Variants in REC114 observed in about 807,000 individuals in gnomAD.
REC114 encodes meiotic recombination protein REC114.
REC114 carries 27 observed loss-of-function variants against 31.3 expected under a neutral mutation model. That is an observed-to-expected ratio of 0.86 (90% CI 0.64 to 1.19). The LOEUF (loss-of-function observed/expected upper bound fraction) is 1.19, where lower values mean the gene tolerates loss of function less well. REC114 is among the 50% of genes most tolerant of loss of function. The pLI is 0.00. For missense variants in REC114, 344 were observed against 326.9 expected (o/e 1.05, Z -0.40); for synonymous variants, 134 against 127.7 (o/e 1.05, Z -0.33).
chr15:73,501,997 CAA>C (rs1893609402), intron 2 of REC114, among the ~76,000 whole-genome samples: 1 of 151,932 alleles, frequency 6.6e-6, no homozygotes, highest in Admixed American at 6.6e-5. Context: ...AAATGCAACT[CAA>C]AGAGTTATGA....
chr15:73,519,841 G>A (rs1174948757), intron 2 of REC114, among the ~76,000 whole-genome samples: 1 of 152,162 alleles, frequency 6.6e-6, no homozygotes, highest in South Asian at 2.1e-4. Context: ...GAGCCTTGAG[G>A]ACATTACGCT....
intron 2 of REC114, among the ~76,000 whole-genome samples, chr15:73,500,420 C>T (rs929583586): frequency 6.6e-6 from 1 of 150,622 alleles, no homozygotes; most frequent in Non-Finnish European, 1.5e-5. Flanking sequence ...TATGTATGCA[C>T]ATGTGCATTT....
intron 1 of REC114, among the ~76,000 whole-genome samples, chr15:73,449,217 T>C (rs1892809890): frequency 1.3e-5 from 2 of 152,128 alleles, no homozygotes; most frequent in Non-Finnish European, 2.9e-5. Flanking sequence ...AGGAGCATGT[T>C]CTAACCCAAT....
At chr15:73,463,933 C>G (rs1284117974) in intron 1 of REC114, among the ~76,000 whole-genome samples, 1 of 152,078 alleles carries the variant, frequency 6.6e-6, no homozygotes, top group Non-Finnish European at 1.5e-5. Context: ...CAGGATATGT[C>G]TAGTTATTGA....
At chr15:73,520,889 T>C (rs185728858) in intron 2 of REC114, among the ~76,000 whole-genome samples, 111 of 152,308 alleles carry the variant, frequency 7.3e-4, no homozygotes, top group Non-Finnish European at 8.8e-5. Flanking sequence ...TTTTCATTAA[T>C]TCATCAAACA....
chr15:73,466,576 A>G (rs1893063226), intron 1 of REC114, among the ~76,000 whole-genome samples: 1 of 152,182 alleles, frequency 6.6e-6, no homozygotes, highest in South Asian at 2.1e-4. Flanking sequence ...CAACAACAAC[A>G]AAAACCTAAG....
intron 2 of REC114, among the ~76,000 whole-genome samples, chr15:73,531,345 T>C (rs948657742): frequency 6.6e-6 from 1 of 152,230 alleles, no homozygotes; most frequent in Non-Finnish European, 1.5e-5. Flanking sequence ...TTAGGTACTT[T>C]TCTCCCTTTC....
intron 1 of REC114, among the ~76,000 whole-genome samples, chr15:73,459,673 G>A (rs1892964341): frequency 6.6e-6 from 1 of 152,200 alleles, no homozygotes; most frequent in Non-Finnish European, 1.5e-5. Context: ...TTGAAGTTAA[G>A]TTTTTTATAT....
intron 2 of REC114, among the ~76,000 whole-genome samples, chr15:73,498,696 A>T (rs570950567): frequency 6.6e-6 from 1 of 152,312 alleles, no homozygotes; most frequent in African/African-American, 2.4e-5. Context: ...AAATAAAGGC[A>T]TGAAACCAGA....
chr15:73,540,325 A>G (rs1403706004), intron 2 of REC114, among the ~76,000 whole-genome samples, 160 bp from the exon 3 acceptor site: 2 of 152,240 alleles, frequency 1.3e-5, no homozygotes, highest in East Asian at 1.9e-4. Context: ...AGGACTTAGT[A>G]TAAGGGTCAT....
At chr15:73,496,458 C>T (rs1056575346) in intron 2 of REC114, among the ~76,000 whole-genome samples, 2 of 151,140 alleles carry the variant, frequency 1.3e-5, no homozygotes, top group African/African-American at 4.9e-5. Flanking sequence ...CTGGAGACCA[C>T]CCTGGCCAAC....
intron 1 of REC114, among the ~76,000 whole-genome samples, chr15:73,453,169 A>G (rs1892873426): frequency 6.6e-6 from 1 of 152,224 alleles, no homozygotes; most frequent in African/African-American, 2.4e-5. Context: ...TGCACAGCAA[A>G]AGAAACTATC....
At chr15:73,446,170 A>G (rs1892762263) in intron 1 of REC114, among the ~76,000 whole-genome samples, 1 of 152,184 alleles carries the variant, frequency 6.6e-6, no homozygotes, top group Non-Finnish European at 1.5e-5. Flanking sequence ...TTCTAGTGGT[A>G]TGCTTTAACA....
In REC114 at chr15:73,476,049, C is replaced by T. The variant is rs55683153; in HGVS notation, c.249+2128C>T. On this transcript the variant is annotated intron_variant, in intron 2 of 5. Transcript: ENST00000331090. The stretch of plus-strand genomic sequence containing the variant: ...AGCCTAGGAGCAATAGGCTATCCCA[C>T]GTGACCCACATATGTAGTAGGCTGT... 1.1e-3 allele frequency among the ~76,000 whole-genome samples: 166 copies of T among 152,200 alleles called. 1 individual carries two copies. Among genetic ancestry groups the T allele is most frequent in the African/African-American group, 3.9e-3 (160 of 41,520 alleles).
chr15:73,471,733 A>T (rs1024386426), intron 1 of REC114, among the ~76,000 whole-genome samples: 2 of 152,210 alleles, frequency 1.3e-5, no homozygotes, highest in East Asian at 3.8e-4. Context: ...TGTTCATAAC[A>T]GTATTATTTG....
chr15:73,499,357 G>C (rs1226543417), intron 2 of REC114, among the ~76,000 whole-genome samples: 3 of 152,018 alleles, frequency 2.0e-5, no homozygotes, highest in Non-Finnish European at 2.9e-5. Context: ...GCAAAGTCAA[G>C]TACTTATTCA....
At chr15:73,503,491 T>TCC (rs1893630344) in intron 2 of REC114, among the ~76,000 whole-genome samples, 1 of 152,234 alleles carries the variant, frequency 6.6e-6, no homozygotes, top group Non-Finnish European at 1.5e-5. Context: ...TTCAAAATTA[T>TCC]CTGGCAGTAG....
intron 1 of REC114, among the ~76,000 whole-genome samples, chr15:73,449,881 T>G (rs1407806074): frequency 2.0e-5 from 3 of 152,160 alleles, no homozygotes; most frequent in African/African-American, 7.2e-5. Flanking sequence ...ATCCAGAATT[T>G]CATATCCAGC....
chr15:73,468,104 A>G (rs930312618), intron 1 of REC114, among the ~76,000 whole-genome samples: 2 of 152,176 alleles, frequency 1.3e-5, no homozygotes, highest in Non-Finnish European at 2.9e-5. Context: ...ACTTAATCAC[A>G]TATGCAAAAT....
Sources: gnomAD v4.1 joint callset for allele counts (sites outside exome capture counted in the v4.1 genomes callset) on GRCh38, gnomAD v4.1.1 for gene constraint, MANE v1.5 for transcripts, NCBI Gene and HGNC (gene_info 2026-07-23, HGNC 2026-07-21) for gene names.